Variants in CCDC158 observed in about 807,000 individuals in gnomAD.
CCDC158 encodes the protein coiled-coil domain-containing protein 158.
CCDC158 carries 116 observed loss-of-function variants against 138.6 expected under a neutral mutation model. That is an observed-to-expected ratio of 0.84 (90% confidence interval 0.72 to 0.98). CCDC158 has a LOEUF of 0.98. Ranked by LOEUF, CCDC158 falls within the 50% of genes least tolerant of loss-of-function variation. CCDC158 has a pLI of 0.00. For missense variants in CCDC158, 1,265 were observed against 1,306.1 expected (o/e 0.97, Z 0.48); for synonymous variants, 436 against 442.4 (o/e 0.99, Z 0.18).
At chr4:76,352,451 C>T (rs1171579657) in intron 16 of CCDC158, 1 of 152,016 alleles carries the variant, frequency 6.6e-6, no homozygotes, top group Non-Finnish European at 1.5e-5. Context: ...ATAACCACAA[C>T]TGAAATTCAC....
intron 17 of CCDC158, 115 bp from the exon 18 acceptor site, chr4:76,351,236 AAT>A (rs1723010178): frequency 1.0e-6 from 1 of 956,082 alleles, no homozygotes; most frequent in Non-Finnish European, 1.5e-6. Context: ...GAGATTTTAA[AAT>A]ATGTCTGTAG....
intron 2 of CCDC158, among the ~76,000 whole-genome samples, chr4:76,405,774 A>AG (rs1728770921): frequency 1.3e-5 from 2 of 152,202 alleles, no homozygotes; most frequent in Non-Finnish European, 2.9e-5. Context: ...GTAAAAGGTC[A>AG]AGTAAGAAAA....
chr4:76,361,804 G>A (rs575092943), intron 13 of CCDC158, among the ~76,000 whole-genome samples: 1 of 152,158 alleles, frequency 6.6e-6, no homozygotes, highest in African/African-American at 2.4e-5. Flanking sequence ...ACAAAACTGT[G>A]CAGACAATGT....
intron 3 of CCDC158, among the ~76,000 whole-genome samples, chr4:76,397,050 T>C (rs1727887092): frequency 6.6e-6 from 1 of 151,928 alleles, no homozygotes; most frequent in Non-Finnish European, 1.5e-5. Context: ...ATGTAAATAA[T>C]TTGTGATCGG....
At position 76,409,489 on chromosome 4, in the gene CCDC158, T is replaced by C. The variant is rs1729116417; in HGVS notation, c.-74+2601A>G. Among the ~76,000 whole-genome samples the C allele has an allele frequency of 2.0e-5, 3 of 152,338 alleles. No individual in the cohort carries two copies. In the South Asian group the frequency reaches 6.2e-4, roughly 32 times the overall value. On this transcript the variant is annotated intron_variant, in intron 2 of 24. Coordinates refer to ENST00000682701, the MANE Select transcript of CCDC158 (RefSeq NM_001394954.1). ...GTCTATTATGAACAGTTCTGCCTGA[T>C]TTAAAATTATGAACAGGTTCACATT...
At position 76,384,204 on chromosome 4, in the gene CCDC158, T is replaced by G. The variant is rs1726557314; in HGVS notation, c.610A>C (p.Ile204Leu). ...VDFEEASGKKICEHDSMSTLH... is the reference protein window; with the variant it reads ...VDFEEASGKKLCEHDSMSTLH... Reference sequence around the variant, plus strand: ...GTAGACATGCTGTCATGTTCACATATTTTTTTGCCTGAGGCTTCTTCAAAG... The same window carrying G: ...GTAGACATGCTGTCATGTTCACATAGTTTTTTGCCTGAGGCTTCTTCAAAG... Residue 204 changes from isoleucine to leucine, a missense_variant, in exon 6 of 25, where the codon ATA becomes CTA. Transcript: ENST00000682701. 6.2e-7 allele frequency: 1 copy of G among 1,612,710 alleles called. No individual in the cohort carries two copies. The highest frequency in any genetic ancestry group is 1.3e-5 in the African/African-American group (1 of 74,892).
intron 13 of CCDC158, among the ~76,000 whole-genome samples, chr4:76,360,967 C>T (rs1170394151): frequency 6.6e-6 from 1 of 152,146 alleles, no homozygotes; most frequent in Middle Eastern, 3.2e-3. Flanking sequence ...ATCTCATGTC[C>T]TGTTGTAATT....
chr4:76,317,604 A>G (rs1719524928), intron 24 of CCDC158, among the ~76,000 whole-genome samples: 1 of 152,176 alleles, frequency 6.6e-6, no homozygotes, highest in Admixed American at 6.5e-5. Flanking sequence ...AACAACAAAA[A>G]ACAATGCACC....
chr4:76,342,085 T>G (rs1360054780), intron 18 of CCDC158, among the ~76,000 whole-genome samples: 1 of 152,144 alleles, frequency 6.6e-6, no homozygotes, highest in Admixed American at 6.6e-5. Context: ...TATTTTTTTT[T>G]TGAGAGAGAG....
intron 7 of CCDC158, 135 bp from the exon 8 acceptor site, chr4:76,382,855 A>C: frequency 1.7e-6 from 1 of 590,632 alleles, no homozygotes; most frequent in Non-Finnish European, 2.9e-6. Flanking sequence ...CTCTTTTAAT[A>C]ACAAGTGTCT....
intron 12 of CCDC158, among the ~76,000 whole-genome samples, chr4:76,363,289 G>A (rs763871748): frequency 1.4e-4 from 22 of 152,296 alleles, no homozygotes; most frequent in Non-Finnish European, 2.4e-4. Flanking sequence ...GGGGCAGGGG[G>A]TGGAGTAGGA....
chr4:76,397,259 G>A (rs1727905829), intron 3 of CCDC158, among the ~76,000 whole-genome samples: 1 of 151,806 alleles, frequency 6.6e-6, no homozygotes, highest in Non-Finnish European at 1.5e-5. Context: ...CATAAATGCA[G>A]TTATCTATGG....
intron 18 of CCDC158, among the ~76,000 whole-genome samples, chr4:76,349,558 A>G (rs1384583706): frequency 6.6e-6 from 1 of 152,154 alleles, no homozygotes; most frequent in Admixed American, 6.5e-5. Flanking sequence ...AGTCCCAGCT[A>G]CTAGGGAGGC....
intron 3 of CCDC158, chr4:76,401,349 T>C (rs1728371318): frequency 9.8e-6 from 5 of 508,198 alleles, no homozygotes; most frequent in Non-Finnish European, 1.9e-5. Flanking sequence ...AAGGATTCTC[T>C]GTATGCCCAG....
intron 12 of CCDC158, among the ~76,000 whole-genome samples, chr4:76,363,399 T>A (rs1324670765): frequency 6.6e-6 from 1 of 152,166 alleles, no homozygotes; most frequent in Non-Finnish European, 1.5e-5. Flanking sequence ...CTTTTGCTGA[T>A]TTTGCTTTGT....
chr4:76,397,705 G>A (rs1191086068), intron 3 of CCDC158, among the ~76,000 whole-genome samples: 4 of 152,224 alleles, frequency 2.6e-5, no homozygotes, highest in African/African-American at 9.6e-5. Flanking sequence ...TGATAAGGAA[G>A]AACTCTATGG....
chr4:76,366,734 G>T (rs1269829285), intron 12 of CCDC158, among the ~76,000 whole-genome samples: 1 of 151,332 alleles, frequency 6.6e-6, no homozygotes, highest in Non-Finnish European at 1.5e-5. Flanking sequence ...ACCAAAACAG[G>T]GGAAAGAAAC....
chr4:76,334,218 A>G (rs771758958), intron 18 of CCDC158, 51 bp from the exon 19 acceptor site: 4 of 1,429,642 alleles, frequency 2.8e-6, no homozygotes, highest in Non-Finnish European at 3.7e-6. Flanking sequence ...TTTCTATGCT[A>G]TTTCCTATCA....
At chr4:76,409,875 T>A (rs928842258) in intron 2 of CCDC158, among the ~76,000 whole-genome samples, 1 of 151,502 alleles carries the variant, frequency 6.6e-6, no homozygotes, top group African/African-American at 2.4e-5. Flanking sequence ...TATCTGTGTA[T>A]CTATTCTACT....
Sources: allele counts gnomAD v4.1 joint callset (sites outside exome capture counted in the v4.1 genomes callset), GRCh38; gene constraint gnomAD v4.1.1; transcripts MANE v1.5; gene names NCBI Gene and HGNC (gene_info 2026-07-23, HGNC 2026-07-21).